The following VANGL2 variants were observed in gnomAD, a reference collection of about 807,000 sequenced individuals.
VANGL2 encodes vang-like protein 2.
Under a neutral mutation model 50.2 loss-of-function variants are expected in VANGL2, and 14 were observed. The ratio of observed to expected loss-of-function variants is 0.28; its 90% confidence interval spans 0.18 to 0.44. The LOEUF is 0.44. VANGL2 is among the 20% of genes least tolerant of loss of function. The pLI, the probability that VANGL2 is intolerant of heterozygous loss-of-function variation, is 1.00. For missense variants in VANGL2, 533 were observed against 701.5 expected, an observed-to-expected ratio of 0.76 and a Z score of 2.71; for synonymous variants, 295 against 297.2, an observed-to-expected ratio of 0.99 and a Z score of 0.08.
chr1:160,406,244 C>T (rs1354756043), intron 1 of VANGL2, among the ~76,000 whole-genome samples: 1 of 152,200 alleles, frequency 6.6e-6, no homozygotes, highest in African/African-American at 2.4e-5. Flanking sequence ...AAAGTCTCTT[C>T]ACCTTCCCCT....
intron 1 of VANGL2, among the ~76,000 whole-genome samples, chr1:160,404,427 A>T (rs1262294844): frequency 6.6e-6 from 1 of 152,226 alleles, no homozygotes; most frequent in Admixed American, 6.5e-5. Context: ...AAATTCACAT[A>T]ATAGGAAATA....
chr1:160,406,887 C>G (rs1212327884), intron 1 of VANGL2, among the ~76,000 whole-genome samples: 2 of 152,102 alleles, frequency 1.3e-5, no homozygotes, highest in Non-Finnish European at 2.9e-5. Context: ...CACCACCATG[C>G]CTGGCTAATT....
intron 1 of VANGL2, among the ~76,000 whole-genome samples, chr1:160,409,569 C>T (rs572414608): frequency 7.9e-5 from 12 of 152,316 alleles, no homozygotes; most frequent in African/African-American, 2.9e-4. Context: ...TCAACCCACA[C>T]CCATCAACTT....
rs761395406 is a variant in VANGL2 at position 160,419,065 on chromosome 1, G to C, written c.256G>C (p.Asp86His). The change falls in exon 4 of 8, where the codon GAT becomes CAT. Residue 86 changes from aspartate (D) to histidine (H), a missense_variant. Coordinates refer to ENST00000368061, the MANE Select transcript of VANGL2 (RefSeq NM_020335.3). This position sits in a 1 kb window ranked among gnomAD's most constrained non-coding sequence, Gnocchi z 5.8. ...CACCTCAGAGCACAGCATCTCCCAT[G>C]ATGACCTCACACGCATCGCCAAGGA... ...TGTSEHSISH[D>H]DLTRIAKDME... The C allele has an allele frequency of 1.9e-5, 30 of 1,613,374 alleles. No individual in the cohort carries two copies. The Admixed American group carries it at 4.7e-4, about 25-fold the overall frequency.
chr1:160,418,460 T>G (rs760076835), intron 3 of VANGL2, among the ~76,000 whole-genome samples: 11 of 147,010 alleles, frequency 7.5e-5, no homozygotes, highest in South Asian at 2.1e-4. Flanking sequence ...AGTTTTTTGT[T>G]TTTTTTTTTT....
At position 160,420,417 on chromosome 1, in the gene VANGL2, G is replaced by A. The variant is rs1261277225; in HGVS notation, c.807G>A (p.Gln269=). The A allele has an allele frequency of 6.2e-7, 1 of 1,613,850 alleles. No homozygotes were observed. Among genetic ancestry groups the A allele is most frequent in the Non-Finnish European group, 8.5e-7 (1 of 1,179,966 alleles). ...CCTGCCGTCTCCCCCACAGCATCCA[G>A]CGCGTGGCAGTGTGGATCCTGGAGA... is the stretch of plus-strand genomic sequence containing the variant. ...RFYNVGHLSI[Q]RVAVWILEKY... is the part of the protein sequence containing the mutation. Residue 269 remains glutamine, a synonymous_variant, in exon 5 of 8, where the codon CAG becomes CAA. Transcript: ENST00000368061.
Position 160,419,238 on chromosome 1 carries a change from G to A in VANGL2, c.429G>A (p.Thr143=), listed in dbSNP as rs769374648. Residue 143 remains threonine, a synonymous_variant, in exon 4 of 8, where the codon ACG becomes ACA. Transcript: ENST00000368061. The surrounding 1 kb of genome is among the most constrained non-coding windows in gnomAD (Gnocchi z 5.8). ...GGGAGGAGCTGGAGCCTTGCGGGAC[G>A]GCCTGCGAGGGCCTCTTCATCTCTG... ...LWREELEPCG[T]ACEGLFISVA... is the part of the protein sequence containing the mutation. The A allele has an allele frequency of 2.0e-5, 32 of 1,608,576 alleles. No individual in the cohort carries two copies. The highest frequency in any genetic ancestry group is 2.5e-5 in the Non-Finnish European group (30 of 1,179,986).
chr1:160,415,991 G>A (rs1651043098), intron 2 of VANGL2, 71 bp from the exon 3 acceptor site: 30 of 1,614,080 alleles, frequency 1.9e-5, no homozygotes, highest in Non-Finnish European at 2.5e-5. Context: ...GGGTGGTAGG[G>A]TAGAGTGGCT....
At chr1:160,424,475 G>T (rs1651383948) in intron 7 of VANGL2, among the ~76,000 whole-genome samples, 192 bp downstream of exon 7, 1 of 151,908 alleles carries the variant, frequency 6.6e-6, no homozygotes, top group Non-Finnish European at 1.5e-5. Flanking sequence ...AAGTCTTTAG[G>T]TAGATGAGGA....
intron 1 of VANGL2, among the ~76,000 whole-genome samples, chr1:160,401,720 G>A (rs1202696121): frequency 6.6e-6 from 1 of 152,096 alleles, no homozygotes; most frequent in African/African-American, 2.4e-5. Context: ...TATACTTAGG[G>A]GAGGGCGTGT....
Position 160,419,684 on chromosome 1 carries a change from G to T in VANGL2, c.800+75G>T. The stretch of plus-strand genomic sequence containing the variant: ...ATGTGGAGTGACTGCTAGGGTGGGA[G>T]GGTATGATGGTGGGCTGGAGGTGAT... On this transcript the variant is annotated intron_variant, in intron 4 of 7. Coordinates refer to ENST00000368061, the MANE Select transcript of VANGL2 (RefSeq NM_020335.3). The surrounding 1 kb of genome is among the most constrained non-coding windows in gnomAD (Gnocchi z 5.8). The T allele has an allele frequency of 1.3e-6, 2 of 1,554,906 alleles. No individual in the cohort carries two copies. The highest frequency in any genetic ancestry group is 2.3e-5 in the East Asian group (1 of 43,404).
chr1:160,424,812 G>A (rs1651395537), intron 7 of VANGL2, among the ~76,000 whole-genome samples: 1 of 152,272 alleles, frequency 6.6e-6, no homozygotes, highest in Middle Eastern at 3.4e-3. Context: ...GAAGAATGAG[G>A]GAGGGCTTGC....
intron 6 of VANGL2, among the ~76,000 whole-genome samples, chr1:160,422,097 G>A (rs73010496): frequency 0.015 from 2,315 of 152,228 alleles, 74 homozygotes; most frequent in African/African-American, 0.052. Context: ...ACTTGACCAC[G>A]CACCTGGCCT....
chr1:160,411,056 A>T (rs565917773), intron 1 of VANGL2, among the ~76,000 whole-genome samples: 1 of 149,944 alleles, frequency 6.7e-6, no homozygotes, highest in East Asian at 2.0e-4. Context: ...CCTTGGGATG[A>T]TACTGAGACA....
At chr1:160,414,940 C>T (rs1201389813) in intron 1 of VANGL2, among the ~76,000 whole-genome samples, 1 of 152,252 alleles carries the variant, frequency 6.6e-6, no homozygotes, top group African/African-American at 2.4e-5. Flanking sequence ...GGCAGATAAA[C>T]TTGTGCCTTG....
At chr1:160,423,527 T>C (rs1428131880) in intron 6 of VANGL2, among the ~76,000 whole-genome samples, 1 of 152,236 alleles carries the variant, frequency 6.6e-6, no homozygotes, top group Non-Finnish European at 1.5e-5. Context: ...CCCTTTTTTC[T>C]CTAGGTTTCC....
chr1:160,416,245 G>A, intron 3 of VANGL2, 63 bp downstream of exon 3: 1 of 1,612,054 alleles, frequency 6.2e-7, no homozygotes, highest in Non-Finnish European at 8.5e-7. Context: ...AGGGGCTGGA[G>A]GCTCCACGGA....
At chr1:160,421,986 T>A (rs1361445798) in intron 6 of VANGL2, among the ~76,000 whole-genome samples, 1 of 152,224 alleles carries the variant, frequency 6.6e-6, no homozygotes, top group Non-Finnish European at 1.5e-5. Context: ...TATTATTAAG[T>A]GAATTTAGTC....
intron 5 of VANGL2, 67 bp downstream of exon 5, chr1:160,420,614 C>T: frequency 6.2e-7 from 1 of 1,610,852 alleles, no homozygotes; most frequent in East Asian, 2.2e-5. Flanking sequence ...TCCCGCCTCT[C>T]TTTTACCCTT....
Sources: gnomAD v4.1 joint callset for allele counts (sites outside exome capture counted in the v4.1 genomes callset) on GRCh38, gnomAD v4.1.1 for gene constraint, Gnocchi (gnomAD v3.1) non-coding constraint, MANE v1.5 for transcripts, NCBI Gene and HGNC (gene_info 2026-07-23, HGNC 2026-07-21) for gene names.